The following FABP2 variants were observed in gnomAD, a reference collection of about 807,000 sequenced individuals.
The protein encoded by FABP2 is fatty acid-binding protein, intestinal.
FABP2 carries 11 observed loss-of-function variants against 16.1 expected under a neutral mutation model. The ratio of observed to expected loss-of-function variants is 0.68; its 90% CI spans 0.43 to 1.13. FABP2 has a LOEUF of 1.13. Among genes scored for constraint, FABP2 ranks in the 50% most tolerant of loss-of-function variants. The pLI is 0.00. For missense variants in FABP2, 146 were observed against 155.1 expected (o/e 0.94, Z 0.31); for synonymous variants, 45 against 50.9 (o/e 0.88, Z 0.49).
intron 3 of FABP2, 47 bp downstream of exon 3, chr4:119,319,489 G>T: frequency 1.8e-6 from 2 of 1,110,396 alleles, no homozygotes; most frequent in South Asian, 1.3e-5. Flanking sequence ...TTATTGTTTT[G>T]TAGTAATTTT....
rs773606786 is a variant in FABP2 at position 119,319,663 on chromosome 4, A to C, written c.241-20T>G. On this transcript the variant is annotated intron_variant, in intron 2 of 3. Coordinates refer to ENST00000274024, the MANE Select transcript of FABP2 (RefSeq NM_000134.4). ...GGTCCCCTACATAATAATAATAATA[A>C]TAATAATAATAATAATGGCATTTAT... 1.2e-5 allele frequency: 12 copies of C among 1,008,166 alleles called. 1 individual carries two copies. The highest frequency in any genetic ancestry group is 1.3e-5 in the Non-Finnish European group (10 of 751,482). 62.5% of individuals were successfully genotyped at this position (1,008,166 alleles called of 1,614,324 possible). A position where few individuals can be genotyped will look rare whatever the true frequency, so the allele number is the denominator to read the frequency against.
chr4:119,321,604 C>CT (rs1755670383), intron 1 of FABP2, among the ~76,000 whole-genome samples: 1 of 152,106 alleles, frequency 6.6e-6, no homozygotes, highest in South Asian at 2.1e-4. Context: ...AGAATTAAAT[C>CT]TAACTTATTC....
At chr4:119,321,815 A>G (rs1158386034) in intron 1 of FABP2, among the ~76,000 whole-genome samples, 3 of 152,156 alleles carry the variant, frequency 2.0e-5, no homozygotes, top group African/African-American at 7.2e-5. Flanking sequence ...GTTTCAGAGA[A>G]CAGCACTCAA....
At chr4:119,321,979 A>G in intron 1 of FABP2, 57 bp downstream of exon 1, 1 of 1,426,860 alleles carries the variant, frequency 7.0e-7, no homozygotes, top group Non-Finnish European at 9.8e-7. Flanking sequence ...TAGGAGTTAG[A>G]AAGAAAAATG....
chr4:119,319,138 C>A, intron 3 of FABP2, 47 bp from the exon 4 acceptor site: 1 of 1,306,018 alleles, frequency 7.7e-7, no homozygotes, highest in Non-Finnish European at 1.1e-6. Context: ...AGGTTTACAT[C>A]TAAGTTAAGA....
chr4:119,319,672 A>ATAATAG, intron 2 of FABP2, 29 bp from the exon 3 acceptor site: 1 of 1,014,966 alleles, frequency 9.9e-7, no homozygotes, highest in Non-Finnish European at 1.3e-6. Context: ...AATAATAATA[A>ATAATAG]TAATAATGGC....
At chr4:119,319,134 A>T in intron 3 of FABP2, 43 bp from the exon 4 acceptor site, 1 of 1,349,848 alleles carries the variant, frequency 7.4e-7, no homozygotes, top group South Asian at 1.3e-5. Context: ...TTTAAGGTTT[A>T]CATCTAAGTT....
chr4:119,318,036 A>G lies in FABP2; in HGVS notation c.*1005T>C, dbSNP rs978346424. ...ATATAATAGAATAACAGTGGAGATT[A>G]AGAATGCAGAAATTGTTTAAGTTTC... On this transcript the variant is annotated 3_prime_UTR_variant, in exon 4 of 4. Coordinates refer to ENST00000274024, the MANE Select transcript of FABP2 (RefSeq NM_000134.4). 4 of 152,152 alleles carry G rather than the reference A, an allele frequency of 2.6e-5. No homozygotes were observed. The highest frequency in any genetic ancestry group is 2.9e-5 in the Non-Finnish European group (2 of 68,004). 9.4% of individuals were successfully genotyped at this position (152,152 alleles called of 1,614,324 possible).
chr4:119,322,117 C>G lies in FABP2; in HGVS notation c.-15G>C. 6.2e-7 allele frequency: 1 copy of G among 1,609,628 alleles called. No individual in the cohort carries two copies. Among genetic ancestry groups the G allele is most frequent in the Non-Finnish European group, 8.5e-7 (1 of 1,176,854 alleles). On this transcript the variant is annotated 5_prime_UTR_variant, in exon 1 of 4. Transcript: ENST00000274024. ...TCAAACGCCATGATTTCAGTTGAGT[C>G]AGCCTCTAGGCAGCTAGAGATTCAG...
At chr4:119,321,932 GAGCTATCTGTA>G (rs746625192) in intron 1 of FABP2, 93 bp downstream of exon 1, 94 of 871,116 alleles carry the variant, frequency 1.1e-4, no homozygotes, top group Non-Finnish European at 1.5e-4. Flanking sequence ...ACCACATCAG[GAGCTATCTGTA>G]AGCTATCTGT....
At chr4:119,320,929 T>G in intron 1 of FABP2, 87 bp from the exon 2 acceptor site, 3 of 1,199,730 alleles carry the variant, frequency 2.5e-6, no homozygotes, top group Non-Finnish European at 3.4e-6. Context: ...TTGTTTATTT[T>G]GAGGGTGGGA....
Position 119,318,184 on chromosome 4 carries a change from A to G in FABP2, c.*857T>C, listed in dbSNP as rs140159952. On this transcript the variant is annotated 3_prime_UTR_variant, in exon 4 of 4. Coordinates refer to ENST00000274024, the MANE Select transcript of FABP2 (RefSeq NM_000134.4). ...TATCATCCTATTCAAAGTGGTATGT[A>G]TTGGGAAATATCTGCCCCCAGGGAA... 3.6e-4 allele frequency: 55 copies of G among 152,244 alleles called. No homozygotes were observed. Among genetic ancestry groups the G allele is most frequent in the African/African-American group, 1.3e-3 (53 of 41,558 alleles). The allele number at this position is 152,244 out of a possible 1,614,324, so 9.4% of individuals were successfully genotyped here.
Position 119,319,633 on chromosome 4 carries a change from C to A in FABP2, c.251G>T (p.Ser84Ile). The stretch of plus-strand genomic sequence containing the variant: ...TCCAATAAGTTTATTTCCCTCAAGG[C>A]TCCAGGTCCCCTACATAATAATAAT... ...ADGTELRGTW[S>I]LEGNKLIGKF... The change falls in exon 3 of 4, where the codon AGC becomes ATC. Residue 84 changes from serine (S) to isoleucine (I), a missense_variant. Transcript: ENST00000274024. 1 of 1,421,214 alleles carries A rather than the reference C, an allele frequency of 7.0e-7. No homozygotes were observed. The highest frequency in any genetic ancestry group is 1.4e-5 in the South Asian group (1 of 69,688). 88.0% of individuals were successfully genotyped at this position (1,421,214 alleles called of 1,614,324 possible).
chr4:119,320,332 T>C (rs1755645961), intron 2 of FABP2, among the ~76,000 whole-genome samples: 1 of 152,040 alleles, frequency 6.6e-6, no homozygotes, highest in African/African-American at 2.4e-5. Flanking sequence ...CTATTACAGT[T>C]AAGTTACATA....
chr4:119,318,416 T>C lies in FABP2; in HGVS notation c.*625A>G. Reference sequence around the variant, plus strand: ...AGATGTTAAAGACTCATATGCAGCCTATGCTTTTAGTTTATCAAATGTAAA... The same window carrying C: ...AGATGTTAAAGACTCATATGCAGCCCATGCTTTTAGTTTATCAAATGTAAA... On this transcript the variant is annotated 3_prime_UTR_variant, in exon 4 of 4. Transcript: ENST00000274024. The C allele has an allele frequency of 6.6e-6, 1 of 152,186 alleles. No individual in the cohort carries two copies. Among genetic ancestry groups the C allele is most frequent in the South Asian group, 2.1e-4 (1 of 4,830 alleles). 9.4% of individuals were successfully genotyped at this position (152,186 alleles called of 1,614,324 possible). A position where few individuals can be genotyped will look rare whatever the true frequency, so the allele number is the denominator to read the frequency against.
chr4:119,321,362 A>G (rs149358806), intron 1 of FABP2, among the ~76,000 whole-genome samples: 7 of 152,106 alleles, frequency 4.6e-5, no homozygotes, highest in Non-Finnish European at 8.8e-5. Flanking sequence ...CAAAATCACT[A>G]TAAGAATCTA....
At chr4:119,320,128 T>A (rs920787436) in intron 2 of FABP2, among the ~76,000 whole-genome samples, 1 of 152,096 alleles carries the variant, frequency 6.6e-6, no homozygotes, top group African/African-American at 2.4e-5. Flanking sequence ...AAACATGTAA[T>A]TTAAATAGAA....
In FABP2 at chr4:119,319,647, C is replaced by CACA; in HGVS notation, c.241-5_241-4insTGT. 1.3e-6 allele frequency: 1 copy of CACA among 797,502 alleles called. No individual in the cohort carries two copies. Among genetic ancestry groups the CACA allele is most frequent in the Non-Finnish European group, 1.8e-6 (1 of 557,166 alleles). The allele number at this position is 797,502 out of a possible 1,614,324, so 49.4% of individuals were successfully genotyped here. ...TTCCCTCAAGGCTCCAGGTCCCCTA[C>CACA]ATAATAATAATAATAATAATAATAA... On this transcript the variant is annotated splice_polypyrimidine_tract_variant and splice_region_variant and intron_variant, in intron 2 of 3. Transcript: ENST00000274024.
chr4:119,320,523 A>G, intron 2 of FABP2, 147 bp downstream of exon 2: 1 of 607,802 alleles, frequency 1.6e-6, no homozygotes, highest in Non-Finnish European at 2.7e-6. Flanking sequence ...TTTGTGCAAT[A>G]TATAATGTAG....
Sources: allele counts gnomAD v4.1 joint callset (sites outside exome capture counted in the v4.1 genomes callset), GRCh38; gene constraint gnomAD v4.1.1; transcripts MANE v1.5; gene names NCBI Gene and HGNC (gene_info 2026-07-23, HGNC 2026-07-21).